RAB27B: variants seen among roughly 807,000 people sequenced by gnomAD.
RAB27B encodes the protein RAB27B, member RAS oncogene family.
Under a neutral mutation model 24.6 loss-of-function variants are expected in RAB27B, and 15 were observed. The observed-to-expected ratio is 0.61, with a 90% CI of 0.41 to 0.94. The LOEUF is 0.94. Among genes scored for constraint, RAB27B ranks in the 40% least tolerant of loss-of-function variants. The probability of loss-of-function intolerance (pLI) is 0.00; values close to 1 mark genes in which losing one functional copy is unlikely to be tolerated. For synonymous variants in RAB27B, 105 were observed against 92.5 expected (o/e 1.14, Z -0.78); for missense variants, 261 against 266.8 (o/e 0.98, Z 0.15).
At chr18:54,865,237 T>G (rs976385569) in intron 1 of RAB27B, among the ~76,000 whole-genome samples, 1 of 143,392 alleles carries the variant, frequency 7.0e-6, no homozygotes, top group East Asian at 2.0e-4. Flanking sequence ...CAATGGCCTT[T>G]TGTGTGTGTG....
intron 2 of RAB27B, among the ~76,000 whole-genome samples, chr18:54,739,196 T>C (rs1395406726): frequency 6.6e-6 from 1 of 152,176 alleles, no homozygotes; most frequent in African/African-American, 2.4e-5. Context: ...GGCTCATGCC[T>C]GTAATCCCAG....
At chr18:54,830,650 A>T (rs889247809) in intron 1 of RAB27B, among the ~76,000 whole-genome samples, 1 of 152,220 alleles carries the variant, frequency 6.6e-6, no homozygotes, top group Non-Finnish European at 1.5e-5. Flanking sequence ...TATGGGCTTA[A>T]GTATATACTA....
intron 2 of RAB27B, among the ~76,000 whole-genome samples, chr18:54,733,650 G>GCA (rs777476661): frequency 3.3e-5 from 3 of 92,242 alleles, no homozygotes; most frequent in Non-Finnish European, 6.8e-5. Context: ...CTGTTCTAGA[G>GCA]CCCCCCCCCC....
At chr18:54,803,720 A>G (rs1259709904) in intron 2 of RAB27B, among the ~76,000 whole-genome samples, 4 of 152,188 alleles carry the variant, frequency 2.6e-5, no homozygotes, top group African/African-American at 9.6e-5. Context: ...GACTGGCAGT[A>G]TGAGTTGAGC....
intron 2 of RAB27B, among the ~76,000 whole-genome samples, chr18:54,738,550 C>T (rs1237100169): frequency 6.6e-6 from 1 of 152,132 alleles, no homozygotes; most frequent in Admixed American, 6.5e-5. Flanking sequence ...GATGCTTCCC[C>T]ACCCATGCAG....
intron 2 of RAB27B, among the ~76,000 whole-genome samples, chr18:54,783,756 A>G (rs990266574): frequency 3.9e-5 from 6 of 152,174 alleles, no homozygotes; most frequent in African/African-American, 1.4e-4. Flanking sequence ...CATAGGCTTC[A>G]TTCTTCCCTC....
At chr18:54,861,731 G>T (rs2145238213) in intron 1 of RAB27B, among the ~76,000 whole-genome samples, 1 of 152,252 alleles carries the variant, frequency 6.6e-6, no homozygotes, top group East Asian at 1.9e-4. Context: ...TCAGAATTCA[G>T]ATTTACAATA....
rs978766222 is a variant in RAB27B at position 54,748,080 on chromosome 18, C to T, written c.-20+29939C>T. Among the ~76,000 whole-genome samples, 6 of 151,898 alleles carry T rather than the reference C, an allele frequency of 4.0e-5. No individual in the cohort carries two copies. In the South Asian group the frequency reaches 1.3e-3, roughly 32 times the overall value. ...TGAGATGGTGCCACTGCACTCCAGC[C>T]TGAGCAATAGAGTGAGACCTTGTCT... On this transcript the variant is annotated intron_variant, in intron 2 of 4. Transcript: ENST00000586570.
chr18:54,858,377 GTTT>G lies in RAB27B; in HGVS notation c.-19-19167_-19-19165del, dbSNP rs4071703. Among the ~76,000 whole-genome samples, 38 of 127,822 alleles carry G rather than the reference GTTT, an allele frequency of 3.0e-4. 3 individuals carry two copies. The highest frequency in any genetic ancestry group is 4.0e-4 in the Admixed American group (5 of 12,444). The allele number at this position is 127,822 out of a possible 152,430, so 83.9% of individuals were successfully genotyped here. A position where few individuals can be genotyped will look rare whatever the true frequency, so the allele number is the denominator to read the frequency against. On this transcript the variant is annotated intron_variant, in intron 1 of 5. Coordinates refer to ENST00000262094, the MANE Select transcript of RAB27B (RefSeq NM_004163.4). Reference sequence around the variant, plus strand: ...GGGCTCAGCTTCCAGCAGGAAAACTGTTTTTTTTTTTTTTTTTTTTTTTTTGAG... The same window carrying G: ...GGGCTCAGCTTCCAGCAGGAAAACTGTTTTTTTTTTTTTTTTTTTTTTGAG...
intron 1 of RAB27B, among the ~76,000 whole-genome samples, chr18:54,840,779 T>C (rs1331912771): frequency 6.6e-6 from 1 of 152,162 alleles, no homozygotes; most frequent in Non-Finnish European, 1.5e-5. Flanking sequence ...CATTCACCAA[T>C]ACTGTCAACA....
At chr18:54,850,355 T>TATATATATATATATATATATAC (rs1568096309) in intron 1 of RAB27B, among the ~76,000 whole-genome samples, 1 of 138,636 alleles carries the variant, frequency 7.2e-6, no homozygotes, top group Admixed American at 7.4e-5. Flanking sequence ...TATATATATA[T>TATATATATATATATATATATAC]ATATACATAC....
chr18:54,846,446 CTATT>C (rs1217767414), intron 1 of RAB27B, among the ~76,000 whole-genome samples: 1 of 152,138 alleles, frequency 6.6e-6, no homozygotes, highest in African/African-American at 2.4e-5. Context: ...AGAATGAACT[CTATT>C]TATCTCCTCC....
At chr18:54,725,811 T>C (rs1329686119) in intron 2 of RAB27B, among the ~76,000 whole-genome samples, 1 of 151,548 alleles carries the variant, frequency 6.6e-6, no homozygotes, top group Non-Finnish European at 1.5e-5. Context: ...ATTATGGGAA[T>C]TACAATTCAA....
chr18:54,797,480 C>A (rs1909460830), intron 2 of RAB27B, among the ~76,000 whole-genome samples: 1 of 152,116 alleles, frequency 6.6e-6, no homozygotes, highest in East Asian at 1.9e-4. Flanking sequence ...TGCACCACTG[C>A]ACTCCAATTT....
At chr18:54,819,822 C>T (rs530346305) in intron 2 of RAB27B, among the ~76,000 whole-genome samples, 2 of 143,982 alleles carry the variant, frequency 1.4e-5, no homozygotes, top group Admixed American at 7.1e-5. Flanking sequence ...TTCCTGTGTG[C>T]ATGTATTCTA....
chr18:54,849,573 T>C (rs1911474399), intron 1 of RAB27B, among the ~76,000 whole-genome samples: 1 of 151,984 alleles, frequency 6.6e-6, no homozygotes, highest in Non-Finnish European at 1.5e-5. Flanking sequence ...ATATAAAAAT[T>C]AGCCAGACGT....
At chr18:54,751,585 G>A (rs1214872229) in intron 2 of RAB27B, among the ~76,000 whole-genome samples, 4 of 152,062 alleles carry the variant, frequency 2.6e-5, no homozygotes, top group Non-Finnish European at 5.9e-5. Context: ...AATGAATTTA[G>A]GAAGTCATTG....
At chr18:54,856,650 C>G (rs1911796586) in intron 1 of RAB27B, among the ~76,000 whole-genome samples, 1 of 152,332 alleles carries the variant, frequency 6.6e-6, no homozygotes, top group South Asian at 2.1e-4. Flanking sequence ...GGAATGTCAA[C>G]TGGGCCTGTG....
intron 1 of RAB27B, among the ~76,000 whole-genome samples, chr18:54,838,691 T>C (rs187867703): frequency 1.3e-5 from 2 of 152,322 alleles, no homozygotes; most frequent in East Asian, 1.9e-4. Context: ...TTATTTCTGT[T>C]GTGGAGATCA....
Sources: gnomAD v4.1 joint callset for allele counts (sites outside exome capture counted in the v4.1 genomes callset) on GRCh38, gnomAD v4.1.1 for gene constraint, MANE v1.5 for transcripts, NCBI Gene and HGNC (gene_info 2026-07-23, HGNC 2026-07-21) for gene names.